COL16A1: variants seen among roughly 807,000 people sequenced by gnomAD.
COL16A1 encodes the protein collagen alpha-1(XVI) chain.
COL16A1 carries 189 observed loss-of-function variants against 266.3 expected under a neutral mutation model. The observed-to-expected ratio is 0.71, with a 90% CI of 0.63 to 0.80. COL16A1 has a LOEUF of 0.80. Among genes scored for constraint, COL16A1 ranks in the 30% least tolerant of loss-of-function variants. COL16A1 has a pLI of 0.00. For synonymous variants in COL16A1, 740 were observed against 782.3 expected, an observed-to-expected ratio of 0.95 and a Z score of 0.90; for missense variants, 1,928 against 2,122.4, an observed-to-expected ratio of 0.91 and a Z score of 1.80.
chr1:31,666,820 C>T (rs1048825557), intron 52 of COL16A1, among the ~76,000 whole-genome samples: 2 of 152,162 alleles, frequency 1.3e-5, no homozygotes, highest in African/African-American at 4.8e-5. Context: ...CTCTCCAGCC[C>T]CTTCCCCTGT....
chr1:31,661,120 C>T lies in COL16A1; in HGVS notation c.3772-1G>A. ...GGGGACCTGGTTTGCCACAGTCACCCTAGAAGAGAGAGGAGCAGCTGGAGC... is the reference window on the plus strand; with the variant it reads ...GGGGACCTGGTTTGCCACAGTCACCTTAGAAGAGAGAGGAGCAGCTGGAGC... On this transcript the variant is annotated splice_acceptor_variant, in intron 60 of 70. Coordinates refer to ENST00000373672, the MANE Select transcript of COL16A1 (RefSeq NM_001856.4). LOFTEE classifies it high-confidence loss of function. 6.4e-7 allele frequency: 1 copy of T among 1,563,320 alleles called. No individual in the cohort carries two copies.
chr1:31,689,948 C>T (rs1190650986), intron 22 of COL16A1, 97 bp from the exon 23 acceptor site: 5 of 983,136 alleles, frequency 5.1e-6, no homozygotes, highest in Non-Finnish European at 6.3e-6. Context: ...ACATTGGGTC[C>T]ACCAGAGCCC....
intron 24 of COL16A1, 22 bp downstream of exon 24, chr1:31,689,028 C>T: frequency 6.2e-7 from 1 of 1,613,936 alleles, no homozygotes; most frequent in African/African-American, 1.3e-5. Flanking sequence ...GGAGGGCAGC[C>T]AGGAGAGCAG....
In COL16A1 at chr1:31,698,222, C is replaced by A; in HGVS notation, c.391-50G>T. The A allele has an allele frequency of 6.2e-7, 1 of 1,604,634 alleles. No homozygotes were observed. The highest frequency in any genetic ancestry group is 1.1e-5 in the South Asian group (1 of 89,598). The stretch of plus-strand genomic sequence containing the variant: ...GGACAGAGATTCAGAGCTCCAGAGT[C>A]ACACCATGGGCACGTTCAGGGACCT... On this transcript the variant is annotated intron_variant, in intron 5 of 70. Coordinates refer to ENST00000373672, the MANE Select transcript of COL16A1 (RefSeq NM_001856.4). The surrounding 1 kb of genome is among the most constrained non-coding windows in gnomAD (Gnocchi z 4.1).
intron 34 of COL16A1, among the ~76,000 whole-genome samples, 163 bp from the exon 35 acceptor site, chr1:31,683,532 C>T (rs1643798974): frequency 1.3e-5 from 2 of 152,226 alleles, no homozygotes; most frequent in South Asian, 4.1e-4. Context: ...GGGTCAAAGG[C>T]AAGTCCCTGA....
intron 9 of COL16A1, 132 bp downstream of exon 9, chr1:31,695,956 G>T: frequency 9.9e-7 from 1 of 1,007,598 alleles, no homozygotes; most frequent in Non-Finnish European, 1.5e-6. Context: ...GCACCTACAT[G>T]TCCTAAGCTC....
intron 15 of COL16A1, 22 bp from the exon 16 acceptor site, chr1:31,692,531 G>A: frequency 6.2e-7 from 1 of 1,614,074 alleles, no homozygotes; most frequent in South Asian, 1.1e-5. Context: ...AAGGGAGACA[G>A]AGGAAGGGAG....
intron 9 of COL16A1, 103 bp downstream of exon 9, chr1:31,695,985 G>A: frequency 1.8e-6 from 2 of 1,136,202 alleles, no homozygotes; most frequent in Non-Finnish European, 2.6e-6. Flanking sequence ...AGGTGGGAAA[G>A]GCGGGAGGAG....
At chr1:31,666,151 CAG>C (rs1315289935) in intron 52 of COL16A1, 70 bp from the exon 53 acceptor site, 4 of 1,493,904 alleles carry the variant, frequency 2.7e-6, no homozygotes, top group African/African-American at 2.8e-5. Context: ...GGGGATGTGA[CAG>C]GGGACTGCCC....
chr1:31,696,928 G>GCACCACCTGT, intron 8 of COL16A1, 35 bp downstream of exon 8: 1 of 1,612,160 alleles, frequency 6.2e-7, no homozygotes, highest in Non-Finnish European at 8.5e-7. Context: ...ACTTGTGCCT[G>GCACCACCTGT]CCTGTGCTGG....
chr1:31,666,190 G>A, intron 52 of COL16A1, 109 bp from the exon 53 acceptor site: 1 of 1,212,736 alleles, frequency 8.2e-7, no homozygotes, highest in Non-Finnish European at 1.2e-6. Flanking sequence ...GTGCTGGGAG[G>A]CCCCTGGGCT....
chr1:31,702,436 G>A (rs1460329379), intron 1 of COL16A1, among the ~76,000 whole-genome samples: 1 of 152,172 alleles, frequency 6.6e-6, no homozygotes, highest in Non-Finnish European at 1.5e-5. Context: ...TTAACCACCG[G>A]TATGGCACGG....
chr1:31,672,018 G>A (rs545866121), intron 47 of COL16A1, among the ~76,000 whole-genome samples: 1 of 152,334 alleles, frequency 6.6e-6, no homozygotes, highest in Admixed American at 6.5e-5. Flanking sequence ...CCTGTAGAAT[G>A]TTCCTGAATG....
chr1:31,696,231 C>T, intron 8 of COL16A1, 90 bp from the exon 9 acceptor site: 1 of 1,148,098 alleles, frequency 8.7e-7, no homozygotes. Context: ...GGGCATGGGC[C>T]CCAGGTAATC....
In COL16A1 at chr1:31,698,747, T is replaced by G; in HGVS notation, c.267-141A>C. The G allele has an allele frequency of 7.4e-7, 1 of 1,354,456 alleles. No homozygotes were observed. Among genetic ancestry groups the G allele is most frequent in the Non-Finnish European group, 9.9e-7 (1 of 1,012,198 alleles). 83.9% of individuals were successfully genotyped at this position (1,354,456 alleles called of 1,614,324 possible). On this transcript the variant is annotated intron_variant, in intron 4 of 70. Transcript: ENST00000373672. This position sits in a 1 kb window ranked among gnomAD's most constrained non-coding sequence, Gnocchi z 4.1. ...ATCATATACATTCATTCACTCTCCA[T>G]ACCTTTACTGAGTGCCTTCCGCGAG... is the stretch of plus-strand genomic sequence containing the variant.
chr1:31,692,632 C>A lies in COL16A1; in HGVS notation c.1124G>T (p.Gly375Val). Residue 375 changes from glycine to valine, a missense_variant, in exon 15 of 71, where the codon GGC (glycine) becomes GTC (valine). Around this residue, in one of 2 missense-constraint regions of COL16A1, gnomAD observed 1,552 missense variants for 1,637.2 expected, o/e 0.95. Coordinates refer to ENST00000373672, the MANE Select transcript of COL16A1 (RefSeq NM_001856.4). ...TGACTCCCCCTTCTCTCCCTTCGGG[C>A]CTTCTGCACACTGAACAGGGGAACA... ...SPDAPLQCAE[G>V]PKGEKGESGA... is the part of the protein sequence containing the mutation. The A allele has an allele frequency of 4.3e-6, 7 of 1,614,184 alleles. No homozygotes were observed. The highest frequency in any genetic ancestry group is 5.9e-6 in the Non-Finnish European group (7 of 1,180,016).
In COL16A1 at chr1:31,665,983, T is replaced by G. The variant is rs1472204588; in HGVS notation, c.3403-48A>C. 4 of 1,613,298 alleles carry G rather than the reference T, an allele frequency of 2.5e-6. No homozygotes were observed. In the East Asian group the frequency reaches 8.9e-5, roughly 36 times the overall value. On this transcript the variant is annotated intron_variant, in intron 53 of 70. Transcript: ENST00000373672. ...CAGCCGAAACCTAATCTTCCTGCCC[T>G]CAGACCCCAGGACAAGACCAGGACC...
At position 31,685,765 on chromosome 1, in the gene COL16A1, C is replaced by T. The variant is rs370812655; in HGVS notation, c.1890G>A (p.Glu630=). 8.7e-6 allele frequency: 14 copies of T among 1,613,796 alleles called. No individual in the cohort carries two copies. In the South Asian group the frequency reaches 1.3e-4, roughly 15 times the overall value. Reference sequence around the variant, plus strand: ...ACAGGGCTGGGCACGGCTCACAGGGCTCCCCCTGCCAAGCAAGGACATTGA... The same window carrying T: ...ACAGGGCTGGGCACGGCTCACAGGGTTCCCCCTGCCAAGCAAGGACATTGA... The part of the protein sequence containing the change: ...GPAGIKGAKG[E]PCEPCPALSN... The change falls in exon 29 of 71, where the codon GAG becomes GAA. Residue 630 remains glutamate (E), a synonymous_variant. Coordinates refer to ENST00000373672, the MANE Select transcript of COL16A1 (RefSeq NM_001856.4). The surrounding 1 kb of genome is among the most constrained non-coding windows in gnomAD (Gnocchi z 4.0).
chr1:31,691,657 G>T lies in COL16A1; in HGVS notation c.1258-15C>A. On this transcript the variant is annotated splice_polypyrimidine_tract_variant and intron_variant, in intron 17 of 70. Transcript: ENST00000373672. ...CCTGGCCGGCCCTGTGGGGGGATAA[G>T]GGGGAGGGTGTACAAACAGCCCTGA... is the stretch of plus-strand genomic sequence containing the variant. 2 of 1,612,274 alleles carry T rather than the reference G, an allele frequency of 1.2e-6. No homozygotes were observed. Among genetic ancestry groups the T allele is most frequent in the South Asian group, 2.2e-5 (2 of 90,848 alleles).
Sources: gnomAD v4.1 joint callset for allele counts (sites outside exome capture counted in the v4.1 genomes callset) on GRCh38, gnomAD v4.1.1 for gene constraint, gnomAD v4.1.1 regional missense constraint, Gnocchi (gnomAD v3.1) non-coding constraint, MANE v1.5 for transcripts, NCBI Gene and HGNC (gene_info 2026-07-23, HGNC 2026-07-21) for gene names.